NPAS3: variants seen among roughly 807,000 people sequenced by gnomAD.
NPAS3 encodes the protein neuronal PAS domain-containing protein 3.
Under a neutral mutation model 73.1 loss-of-function variants are expected in NPAS3, and 14 were observed. The ratio of observed to expected loss-of-function variants is 0.19; its 90% confidence interval spans 0.13 to 0.30. The LOEUF (loss-of-function observed/expected upper bound fraction) is 0.30. Among genes scored for constraint, NPAS3 ranks in the 10% least tolerant of loss-of-function variants. NPAS3 has a pLI of 1.00. For missense variants in NPAS3, 1,096 were observed against 1,250.0 expected, an observed-to-expected ratio of 0.88 and a Z score of 1.86; for synonymous variants, 620 against 541.5, an observed-to-expected ratio of 1.14 and a Z score of -2.01.
chr14:33,324,256 A>G (rs1279446552), intron 3 of NPAS3, among the ~76,000 whole-genome samples: 1 of 152,082 alleles, frequency 6.6e-6, no homozygotes, highest in Non-Finnish European at 1.5e-5. Flanking sequence ...CTGCCATTTA[A>G]CTCTGATAAT....
chr14:33,302,866 A>G (rs956059408), intron 3 of NPAS3, among the ~76,000 whole-genome samples: 3 of 150,832 alleles, frequency 2.0e-5, no homozygotes, highest in Admixed American at 1.3e-4. Flanking sequence ...TTAGAGTCCT[A>G]TGGATGATGT....
chr14:33,078,533 A>C (rs1259266738), intron 2 of NPAS3, among the ~76,000 whole-genome samples: 4 of 23,116 alleles, frequency 1.7e-4, no homozygotes, highest in Non-Finnish European at 3.4e-4. Context: ...AAACAAAACC[A>C]AAAAAAAAAA....
chr14:33,063,335 G>A (rs529877685), intron 2 of NPAS3, among the ~76,000 whole-genome samples: 1 of 152,126 alleles, frequency 6.6e-6, no homozygotes. Context: ...TTACAGATAA[G>A]GTAACAGAAG....
chr14:33,095,265 T>C (rs1467313356), intron 2 of NPAS3, among the ~76,000 whole-genome samples: 1 of 152,180 alleles, frequency 6.6e-6, no homozygotes, highest in Non-Finnish European at 1.5e-5. Flanking sequence ...GTGATCTACA[T>C]TTAATCTGGG....
intron 1 of NPAS3, among the ~76,000 whole-genome samples, chr14:33,040,031 A>G (rs1462439391): frequency 6.6e-6 from 1 of 152,186 alleles, no homozygotes; most frequent in Non-Finnish European, 1.5e-5. Flanking sequence ...CCCTCAAGAA[A>G]AGGCTGTTTG....
intron 3 of NPAS3, among the ~76,000 whole-genome samples, chr14:33,264,260 T>C (rs1027708563): frequency 1.2e-4 from 18 of 145,806 alleles, no homozygotes; most frequent in Admixed American, 1.0e-3. Context: ...CATCACACAC[T>C]GGGGCCTGTT....
intron 4 of NPAS3, among the ~76,000 whole-genome samples, chr14:33,546,573 G>A (rs2054854096): frequency 6.6e-6 from 1 of 152,156 alleles, no homozygotes; most frequent in Admixed American, 6.5e-5. Flanking sequence ...GTTTTACTCT[G>A]TATAGTAAGC....
At chr14:32,997,909 C>T (rs1460764070) in intron 1 of NPAS3, among the ~76,000 whole-genome samples, 1 of 152,164 alleles carries the variant, frequency 6.6e-6, no homozygotes, top group Non-Finnish European at 1.5e-5. Context: ...TTATCAGCAG[C>T]ATGAAAGCAA....
intron 6 of NPAS3, among the ~76,000 whole-genome samples, chr14:33,734,166 G>A (rs534683530): frequency 2.6e-5 from 4 of 151,962 alleles, no homozygotes; most frequent in Admixed American, 6.5e-5. Context: ...GTTAGCATAC[G>A]ACTACTCGAA....
At chr14:33,204,877 CAAA>C (rs2046765978) in intron 2 of NPAS3, among the ~76,000 whole-genome samples, 1 of 151,870 alleles carries the variant, frequency 6.6e-6, no homozygotes, top group East Asian at 1.9e-4. Flanking sequence ...CCTACTATTG[CAAA>C]AAGTAGGGAA....
upstream of NPAS3, among the ~76,000 whole-genome samples, chr14:32,938,731 T>A (rs538906931): frequency 6.8e-5 from 10 of 148,100 alleles, no homozygotes; most frequent in Non-Finnish European, 1.5e-4. Context: ...TAGAAAGGGG[T>A]GACGGGGGAC....
chr14:33,152,765 A>T (rs1958012), intron 2 of NPAS3, among the ~76,000 whole-genome samples: 54,237 of 151,294 alleles, frequency 0.36, 9,967 homozygotes, highest in Middle Eastern at 0.48. Flanking sequence ...GTTCTGAAAT[A>T]TCCCACTGAT....
In NPAS3 at chr14:33,465,707, A is replaced by AG. The variant is rs1350377482; in HGVS notation, c.469-94414_469-94413insG. ...GCTTAACTTCTATATACTAAATAAA[A>AG]ATGGCCATTACGCTCTTTTATTTCC... On this transcript the variant is annotated intron_variant, in intron 4 of 11. Transcript: ENST00000356141. Among the ~76,000 whole-genome samples the AG allele has an allele frequency of 2.4e-3, 359 of 152,298 alleles. 2 individuals carry two copies. The highest frequency in any genetic ancestry group is 8.1e-3 in the African/African-American group (337 of 41,548).
chr14:33,674,016 C>G (rs2059683587), intron 5 of NPAS3, among the ~76,000 whole-genome samples: 1 of 152,130 alleles, frequency 6.6e-6, no homozygotes, highest in African/African-American at 2.4e-5. Flanking sequence ...GTGGGAAATC[C>G]CATGAGGCCA....
At chr14:33,143,285 C>T (rs1472745448) in intron 2 of NPAS3, among the ~76,000 whole-genome samples, 1 of 152,002 alleles carries the variant, frequency 6.6e-6, no homozygotes, top group Non-Finnish European at 1.5e-5. Flanking sequence ...TGAGGTCAGG[C>T]GTTCGAGACC....
intron 1 of NPAS3, among the ~76,000 whole-genome samples, chr14:33,044,347 T>G (rs553412306): frequency 1.8e-4 from 27 of 152,294 alleles, no homozygotes; most frequent in African/African-American, 5.5e-4. Flanking sequence ...TGAACCACGG[T>G]TTTTAGATGA....
rs556265105 is a variant in NPAS3, at chr14:33,079,443, C to T, written c.140+23449C>T. Among the ~76,000 whole-genome samples the T allele has an allele frequency of 1.0e-4, 15 of 149,784 alleles. No homozygotes were observed. In the South Asian group the frequency reaches 2.6e-3, roughly 26 times the overall value. ...AAGCGATTCTCCTGCCTCAGCCTCC[C>T]GAGTAGCTGGGATCACAGGTGCACG... On this transcript the variant is annotated intron_variant, in intron 2 of 11. Coordinates refer to ENST00000356141, the Ensembl canonical transcript of NPAS3.
chr14:33,334,486 T>C (rs2044125504), intron 3 of NPAS3, among the ~76,000 whole-genome samples: 2 of 152,168 alleles, frequency 1.3e-5, no homozygotes, highest in Non-Finnish European at 1.5e-5. Flanking sequence ...TAAGATGTAG[T>C]CTTCTGTGCT....
intron 2 of NPAS3, among the ~76,000 whole-genome samples, chr14:33,164,143 GAT>G (rs1389057777): frequency 6.6e-6 from 1 of 152,182 alleles, no homozygotes; most frequent in African/African-American, 2.4e-5. Context: ...TGTGTTCTCT[GAT>G]ATGTCTTTTA....
Sources: allele counts gnomAD v4.1 joint callset (sites outside exome capture counted in the v4.1 genomes callset), GRCh38; gene constraint gnomAD v4.1.1; transcripts MANE v1.5; gene names NCBI Gene and HGNC (gene_info 2026-07-23, HGNC 2026-07-21).